Variants in SLC47A2 observed in about 807,000 individuals in gnomAD.
The protein encoded by SLC47A2 is solute carrier family 47 member 2, also known as multidrug and toxin extrusion protein 2.
In SLC47A2, 52 loss-of-function variants were observed where a neutral mutation model predicts 67.7. The observed-to-expected ratio is 0.77, with a 90% CI of 0.61 to 0.97. SLC47A2 has a LOEUF of 0.97. Ranked by LOEUF, SLC47A2 falls within the 50% of genes least tolerant of loss-of-function variation. The pLI is 0.00. For missense variants in SLC47A2, 676 were observed against 712.3 expected, an observed-to-expected ratio of 0.95 and a Z score of 0.58; for synonymous variants, 278 against 292.9, an observed-to-expected ratio of 0.95 and a Z score of 0.52.
At chr17:19,692,410 A>G in intron 13 of SLC47A2, 1 of 356,144 alleles carries the variant, frequency 2.8e-6, no homozygotes, top group Non-Finnish European at 5.4e-6. Context: ...ATGAAGAGCA[A>G]CTTCATGCAA....
At chr17:19,708,939 G>A (rs963453546) in intron 5 of SLC47A2, among the ~76,000 whole-genome samples, 179 bp from the exon 6 acceptor site, 3 of 152,210 alleles carry the variant, frequency 2.0e-5, no homozygotes, top group African/African-American at 7.2e-5. Context: ...ACTCATGCTC[G>A]GGCCCAGCCT....
chr17:19,688,971 T>C (rs2085484471), intron 13 of SLC47A2, among the ~76,000 whole-genome samples: 1 of 151,962 alleles, frequency 6.6e-6, no homozygotes, highest in South Asian at 2.1e-4. Context: ...GCTCAAGCAG[T>C]CCTCCCACCT....
rs376702922 is a variant in SLC47A2, at chr17:19,702,696, A to C, written c.1095-22T>G. ...ATCTCTGCAGAAGAAATGAGAAAGC[A>C]TTAAGACACAGATGTATCCTTTGAG... is the stretch of plus-strand genomic sequence containing the variant. On this transcript the variant is annotated intron_variant, in intron 12 of 16. Transcript: ENST00000433844. The C allele has an allele frequency of 5.6e-6, 9 of 1,612,870 alleles. No individual in the cohort carries two copies. In the African/African-American group the frequency reaches 1.2e-4, roughly 22 times the overall value.
chr17:19,716,719 T>C, upstream of SLC47A2: 1 of 1,077,780 alleles, frequency 9.3e-7, no homozygotes, highest in Non-Finnish European at 1.3e-6. Context: ...GAGCCCTGCC[T>C]CCTAGGGCAC....
At position 19,715,237 on chromosome 17, in the gene SLC47A2, T is replaced by A. The variant is rs767235910; in HGVS notation, c.124-20A>T. 6.2e-7 allele frequency: 1 copy of A among 1,602,464 alleles called. No individual in the cohort carries two copies. The highest frequency in any genetic ancestry group is 1.1e-5 in the South Asian group (1 of 91,014). On this transcript the variant is annotated intron_variant, in intron 1 of 16. Coordinates refer to ENST00000433844, the MANE Select transcript of SLC47A2 (RefSeq NM_001099646.3). ...CAGGAACTGGAGGACAGCGGCCAGGTCAGACTCGGGGCCACAGGTGCCCAC... is the reference window on the plus strand; with the variant it reads ...CAGGAACTGGAGGACAGCGGCCAGGACAGACTCGGGGCCACAGGTGCCCAC...
chr17:19,700,663 G>A lies in SLC47A2; in HGVS notation c.1164+1942C>T, dbSNP rs149496212. On this transcript the variant is annotated intron_variant, in intron 13 of 16. Coordinates refer to ENST00000433844, the MANE Select transcript of SLC47A2 (RefSeq NM_001099646.3). ...ACCTGTAGTCCCAGCTACTCAGGAGGCTGAGGTAGGAGGATTGCTTGGGCC... is the reference window on the plus strand; with the variant it reads ...ACCTGTAGTCCCAGCTACTCAGGAGACTGAGGTAGGAGGATTGCTTGGGCC... Among the ~76,000 whole-genome samples, 260 of 152,050 alleles carry A rather than the reference G, an allele frequency of 1.7e-3. 7 individuals are homozygous for A. The East Asian group carries it at 0.044, about 25-fold the overall frequency.
At chr17:19,716,592 C>G, upstream of SLC47A2, 1 of 1,547,308 alleles carries the variant, frequency 6.5e-7, no homozygotes, top group Non-Finnish European at 8.7e-7. Flanking sequence ...CACGCCTGAG[C>G]GCCTGCACGG....
chr17:19,706,590 C>T, intron 9 of SLC47A2, 58 bp downstream of exon 9: 1 of 1,422,506 alleles, frequency 7.0e-7, no homozygotes, highest in Non-Finnish European at 9.5e-7. Context: ...GGGGAGGGGG[C>T]TTCTGGGCTG....
intron 1 of SLC47A2, 118 bp from the exon 2 acceptor site, chr17:19,715,335 G>A (rs1567639992): frequency 1.3e-6 from 1 of 799,504 alleles, no homozygotes; most frequent in South Asian, 1.6e-5. Flanking sequence ...GGTCACCTAC[G>A]CCTGGGGAAG....
chr17:19,710,044 A>G (rs4925044), intron 5 of SLC47A2, among the ~76,000 whole-genome samples: 91,281 of 151,956 alleles, frequency 0.6, 28,486 homozygotes, highest in East Asian at 0.95. Flanking sequence ...GGGACTGCAC[A>G]CTGTTGGGAC....
At chr17:19,679,554 T>C (rs915345107) in intron 16 of SLC47A2, among the ~76,000 whole-genome samples, 6 of 152,196 alleles carry the variant, frequency 3.9e-5, no homozygotes, top group Non-Finnish European at 8.8e-5. Flanking sequence ...AAGTTAAAAG[T>C]TGGCCTTCCG....
intron 3 of SLC47A2, 90 bp from the exon 4 acceptor site, chr17:19,714,063 C>A (rs1316110262): frequency 2.7e-6 from 4 of 1,495,562 alleles, no homozygotes; most frequent in Non-Finnish European, 3.6e-6. Context: ...GCGGCGCCAG[C>A]GGTGTGTGGC....
At chr17:19,679,495 C>G (rs561241699) in intron 16 of SLC47A2, among the ~76,000 whole-genome samples, 83 of 152,286 alleles carry the variant, frequency 5.5e-4, no homozygotes, top group African/African-American at 1.9e-3. Context: ...AGGTGCCCCC[C>G]CAAAGCCAAT....
Position 19,703,092 on chromosome 17 carries a change from T to A in SLC47A2, c.1094A>T (p.Glu365Val), listed in dbSNP as rs773996661. Residue 365 changes from glutamate to valine, a missense_variant and splice_region_variant, in exon 12 of 17, where the codon GAA becomes GTA. By Grantham distance (121) the Glu-to-Val change is moderately radical. Coordinates refer to ENST00000433844, the MANE Select transcript of SLC47A2 (RefSeq NM_001099646.3). ...NQLGHIFTND[E>V]DVIALVSQVL... ...TCAGCACAGAAAACTGATTACCTACTCATCATTGGTAAAAATATGCCCCAG... is the reference window on the plus strand; with the variant it reads ...TCAGCACAGAAAACTGATTACCTACACATCATTGGTAAAAATATGCCCCAG... 6.2e-7 allele frequency: 1 copy of A among 1,613,966 alleles called. No individual in the cohort carries two copies. Among genetic ancestry groups the A allele is most frequent in the Admixed American group, 1.7e-5 (1 of 60,020 alleles).
intron 13 of SLC47A2, among the ~76,000 whole-genome samples, chr17:19,697,108 G>A (rs890006681): frequency 2.0e-5 from 3 of 152,130 alleles, no homozygotes; most frequent in South Asian, 2.1e-4. Context: ...TGGCTAACAC[G>A]GTGAAACCCT....
intron 13 of SLC47A2, among the ~76,000 whole-genome samples, chr17:19,687,028 G>T (rs1160109055): frequency 6.6e-6 from 1 of 152,062 alleles, no homozygotes; most frequent in Non-Finnish European, 1.5e-5. Context: ...CATTCTCAAG[G>T]ACAGACCATA....
chr17:19,706,535 G>T, intron 9 of SLC47A2, 113 bp downstream of exon 9: 5 of 831,914 alleles, frequency 6.0e-6, no homozygotes, highest in Non-Finnish European at 9.1e-6. Flanking sequence ...CTGGTGAGCT[G>T]CCATCCTGGG....
At chr17:19,713,747 G>T (rs2086167496) in intron 4 of SLC47A2, 78 bp downstream of exon 4, 2 of 1,546,018 alleles carry the variant, frequency 1.3e-6, no homozygotes, top group South Asian at 1.2e-5. Context: ...GGGTGTGAGG[G>T]CTGGGCATCT....
intron 1 of SLC47A2, chr17:19,716,092 C>G (rs564312032): frequency 7.9e-6 from 2 of 254,722 alleles, no homozygotes; most frequent in Non-Finnish European, 1.5e-5. Flanking sequence ...CCCTTCTTCC[C>G]CCTGCGAAGG....
Sources: allele counts gnomAD v4.1 joint callset (sites outside exome capture counted in the v4.1 genomes callset), GRCh38; gene constraint gnomAD v4.1.1; transcripts MANE v1.5; gene names NCBI Gene and HGNC (gene_info 2026-07-23, HGNC 2026-07-21).